The following ZNF804A variants were observed in gnomAD, a reference collection of about 807,000 sequenced individuals.
ZNF804A encodes the protein zinc finger protein 804A.
Under a neutral mutation model 16.5 loss-of-function variants are expected in ZNF804A, and 2 were observed. That is an observed-to-expected ratio of 0.12 (90% CI 0.05 to 0.38). ZNF804A has a LOEUF of 0.38. ZNF804A is among the 10% of genes least tolerant of loss of function. The pLI, the probability that ZNF804A is intolerant of heterozygous loss-of-function variation, is 0.99. For missense variants in ZNF804A, 1,473 were observed against 1,390.7 expected (o/e 1.06, Z -0.94); for synonymous variants, 534 against 489.6 (o/e 1.09, Z -1.20).
intron 1 of ZNF804A, among the ~76,000 whole-genome samples, chr2:184,745,869 T>C (rs1487562447): frequency 6.6e-6 from 1 of 151,658 alleles, no homozygotes; most frequent in Non-Finnish European, 1.5e-5. Flanking sequence ...ACAAAGAATG[T>C]AATCAATGTA....
chr2:184,617,937 A>G (rs1027694173), intron 1 of ZNF804A, among the ~76,000 whole-genome samples: 2 of 151,956 alleles, frequency 1.3e-5, no homozygotes, highest in African/African-American at 4.8e-5. Flanking sequence ...AAAATGAGAA[A>G]ACTTAGTGTT....
intron 2 of ZNF804A, among the ~76,000 whole-genome samples, chr2:184,880,144 G>A (rs574197064): frequency 6.6e-6 from 1 of 152,070 alleles, no homozygotes; most frequent in East Asian, 1.9e-4. Flanking sequence ...AGCAAAGATG[G>A]AGCCCTTTTG....
intron 2 of ZNF804A, among the ~76,000 whole-genome samples, chr2:184,877,153 T>C (rs1264744388): frequency 1.3e-5 from 2 of 152,154 alleles, no homozygotes. Context: ...TCAGTGAAAC[T>C]GTACAGCTTT....
chr2:184,814,531 G>A (rs1220055784), intron 1 of ZNF804A, among the ~76,000 whole-genome samples: 3 of 151,946 alleles, frequency 2.0e-5, no homozygotes, highest in Non-Finnish European at 4.4e-5. Context: ...CCACAAACAC[G>A]TAATTTAACA....
chr2:184,699,080 C>A (rs926844778), intron 1 of ZNF804A, among the ~76,000 whole-genome samples: 1 of 151,916 alleles, frequency 6.6e-6, no homozygotes. Flanking sequence ...AACTGGGATT[C>A]TATAACTAAA....
chr2:184,677,606 G>T (rs1159009479), intron 1 of ZNF804A, among the ~76,000 whole-genome samples: 1 of 151,822 alleles, frequency 6.6e-6, no homozygotes, highest in Non-Finnish European at 1.5e-5. Flanking sequence ...TAACATCAAG[G>T]TATTAAAAGT....
chr2:184,891,528 C>T (rs910502419), intron 2 of ZNF804A, among the ~76,000 whole-genome samples: 1 of 152,076 alleles, frequency 6.6e-6, no homozygotes, highest in Non-Finnish European at 1.5e-5. Flanking sequence ...AAAAACTCAA[C>T]ATGTCTATTT....
chr2:184,644,784 A>G (rs893142304), intron 1 of ZNF804A, among the ~76,000 whole-genome samples: 3 of 152,064 alleles, frequency 2.0e-5, no homozygotes, highest in Non-Finnish European at 2.9e-5. Context: ...TCATTTTAAG[A>G]ATTATCAAAA....
At chr2:184,835,498 T>C (rs1335575332) in intron 1 of ZNF804A, among the ~76,000 whole-genome samples, 2 of 152,064 alleles carry the variant, frequency 1.3e-5, no homozygotes, top group Non-Finnish European at 2.9e-5. Context: ...GCATGTCTTA[T>C]GAAGAAGTGC....
Position 184,936,343 on chromosome 2 carries a change from T to C in ZNF804A, c.947T>C (p.Leu316Pro). 1 of 1,613,886 alleles carries C rather than the reference T, an allele frequency of 6.2e-7. No individual in the cohort carries two copies. Among genetic ancestry groups the C allele is most frequent in the South Asian group, 1.1e-5 (1 of 91,078 alleles). ...LLLPSFCKFQ[L>P]QLSSDADNCQ... is the part of the protein sequence containing the mutation. ...TTACCTTCATTTTGCAAGTTTCAAC[T>C]TCAGTTATCTTCTGATGCAGATAAT... Residue 316 changes from leucine to proline, a missense_variant, in exon 4 of 4, where the codon CTT becomes CCT. Coordinates refer to ENST00000302277, the MANE Select transcript of ZNF804A (RefSeq NM_194250.2).
chr2:184,651,007 A>G (rs1691974316), intron 1 of ZNF804A, among the ~76,000 whole-genome samples: 1 of 152,198 alleles, frequency 6.6e-6, no homozygotes. Context: ...AAAAGAGCAA[A>G]GACAGATATA....
chr2:184,767,579 A>C (rs1694147462), intron 1 of ZNF804A, among the ~76,000 whole-genome samples: 2 of 152,254 alleles, frequency 1.3e-5, no homozygotes, highest in African/African-American at 2.4e-5. Flanking sequence ...TAAGGTGGTA[A>C]ATTTTATGTT....
chr2:184,653,228 T>C (rs1194487285), intron 1 of ZNF804A, among the ~76,000 whole-genome samples: 3 of 152,226 alleles, frequency 2.0e-5, no homozygotes, highest in African/African-American at 7.2e-5. Flanking sequence ...CCAGGTGTTA[T>C]TTAATGGGCT....
At chr2:184,632,611 C>T (rs1208711810) in intron 1 of ZNF804A, among the ~76,000 whole-genome samples, 5 of 152,102 alleles carry the variant, frequency 3.3e-5, no homozygotes, top group Non-Finnish European at 5.9e-5. Context: ...TGGCCAAGCT[C>T]AAGGGATCTG....
intron 1 of ZNF804A, among the ~76,000 whole-genome samples, chr2:184,730,858 T>G (rs924737471): frequency 1.3e-4 from 20 of 151,882 alleles, no homozygotes; most frequent in African/African-American, 4.6e-4. Flanking sequence ...TTTTTTTTTT[T>G]TGTGGACATA....
Position 184,937,846 on chromosome 2 carries a change from G to T in ZNF804A, c.2450G>T (p.Gly817Val). Residue 817 changes from glycine to valine, a missense_variant, in exon 4 of 4, where the codon GGC becomes GTC. Physicochemically the swap from Gly to Val is moderately radical, Grantham distance 109 (BLOSUM62 -3). Transcript: ENST00000302277. ...KPKKKRRRKR[G>V]RFHPGFETLE... The stretch of plus-strand genomic sequence containing the variant: ...AAAAAGAAACGGAGGCGAAAAAGAG[G>T]CAGATTCCACCCCGGATTTGAAACT... The T allele has an allele frequency of 6.2e-7, 1 of 1,614,102 alleles. No homozygotes were observed. Among genetic ancestry groups the T allele is most frequent in the Non-Finnish European group, 8.5e-7 (1 of 1,180,016 alleles).
chr2:184,917,390 C>T (rs544990080), intron 2 of ZNF804A, among the ~76,000 whole-genome samples: 1 of 151,946 alleles, frequency 6.6e-6, no homozygotes, highest in East Asian at 1.9e-4. Flanking sequence ...GTAAAATTAA[C>T]AATACTTAGA....
chr2:184,608,698 C>T (rs887698381), intron 1 of ZNF804A, among the ~76,000 whole-genome samples: 1 of 152,148 alleles, frequency 6.6e-6, no homozygotes, highest in Non-Finnish European at 1.5e-5. Flanking sequence ...CTGCTTTTTC[C>T]TTTCTCAGAT....
chr2:184,820,793 A>G (rs907842379), intron 1 of ZNF804A, among the ~76,000 whole-genome samples: 2 of 151,850 alleles, frequency 1.3e-5, no homozygotes, highest in African/African-American at 4.8e-5. Context: ...GGGAACCAAA[A>G]CATGAATGAA....
Sources: allele counts gnomAD v4.1 joint callset (sites outside exome capture counted in the v4.1 genomes callset), GRCh38; gene constraint gnomAD v4.1.1; transcripts MANE v1.5; gene names NCBI Gene and HGNC (gene_info 2026-07-23, HGNC 2026-07-21).